Variants in XIRP2 observed in about 807,000 individuals in gnomAD.
XIRP2 encodes xin actin-binding repeat-containing protein 2.
XIRP2 carries 236 observed loss-of-function variants against 277.0 expected under a neutral mutation model. The observed-to-expected ratio is 0.85, with a 90% CI of 0.77 to 0.95. The LOEUF (loss-of-function observed/expected upper bound fraction) is 0.95. XIRP2 is among the 40% of genes least tolerant of loss of function. The pLI, the probability that XIRP2 is intolerant of heterozygous loss-of-function variation, is 0.00. For missense variants in XIRP2, 4,640 were observed against 4,157.5 expected (o/e 1.12, Z -3.19); for synonymous variants, 1,490 against 1,416.5 (o/e 1.05, Z -1.17).
chr2:167,169,908 T>G (rs1012413928), intron 3 of XIRP2, among the ~76,000 whole-genome samples: 5 of 152,182 alleles, frequency 3.3e-5, no homozygotes, highest in African/African-American at 1.2e-4. Context: ...CTTATATTTA[T>G]TTTTCTTGCC....
intron 2 of XIRP2, among the ~76,000 whole-genome samples, chr2:166,911,211 G>A (rs1406855151): frequency 6.6e-6 from 1 of 152,060 alleles, no homozygotes. Context: ...TTGACAGTGG[G>A]GTTTTAAAGT....
chr2:167,087,950 C>A (rs1690013990), intron 2 of XIRP2, among the ~76,000 whole-genome samples: 1 of 152,152 alleles, frequency 6.6e-6, no homozygotes, highest in Non-Finnish European at 1.5e-5. Flanking sequence ...TCCTATTCGG[C>A]CATCTTGGCT....
intron 3 of XIRP2, among the ~76,000 whole-genome samples, chr2:167,178,281 G>T (rs1228746876): frequency 6.6e-6 from 1 of 152,048 alleles, no homozygotes; most frequent in Non-Finnish European, 1.5e-5. Context: ...ATAATTTCTT[G>T]TGCTGTATGA....
At chr2:166,965,468 G>A (rs1034322279) in intron 2 of XIRP2, among the ~76,000 whole-genome samples, 28 of 151,912 alleles carry the variant, frequency 1.8e-4, no homozygotes, top group African/African-American at 6.3e-4. Context: ...TCATGAATGA[G>A]CCTGGAAGGA....
At chr2:167,081,954 TTA>T (rs1553484839) in intron 2 of XIRP2, among the ~76,000 whole-genome samples, 73 of 151,080 alleles carry the variant, frequency 4.8e-4, no homozygotes, top group African/African-American at 1.6e-3. Flanking sequence ...TTCTTTTTTT[TTA>T]TTATTATACT....
Position 167,250,822 on chromosome 2 carries a change from T to A in XIRP2, c.9430T>A (p.Ser3144Thr), listed in dbSNP as rs1365458268. ...ENPTKNELSQSPKKDSYVEPP... is the reference protein window; with the variant it reads ...ENPTKNELSQTPKKDSYVEPP... ...CCCTACTAAGAACGAGCTTTCTCAGTCCCCTAAAAAGGACAGTTATGTTGA... is the reference window on the plus strand; with the variant it reads ...CCCTACTAAGAACGAGCTTTCTCAGACCCCTAAAAAGGACAGTTATGTTGA... The change falls in exon 9 of 11, where the codon TCC becomes ACC. Residue 3144 changes from serine (S) to threonine (T), a missense_variant. Ser to Thr is a moderately conservative substitution (Grantham distance 58). Transcript: ENST00000409195. 3.1e-6 allele frequency: 5 copies of A among 1,613,264 alleles called. No homozygotes were observed. The highest frequency in any genetic ancestry group is 4.2e-6 in the Non-Finnish European group (5 of 1,179,640).
intron 2 of XIRP2, among the ~76,000 whole-genome samples, chr2:167,063,076 A>G (rs1189731323): frequency 6.6e-6 from 1 of 151,872 alleles, no homozygotes; most frequent in African/African-American, 2.4e-5. Context: ...GTAAGCCTTT[A>G]TTGCTTTAAA....
intron 2 of XIRP2, among the ~76,000 whole-genome samples, chr2:167,089,931 G>C (rs1395573030): frequency 6.6e-6 from 1 of 152,076 alleles, no homozygotes; most frequent in Non-Finnish European, 1.5e-5. Context: ...CGAGAAAAAA[G>C]AATTGCAGAC....
chr2:167,243,046 A>C lies in XIRP2; in HGVS notation c.1654A>C (p.Ser552Arg). The C allele has an allele frequency of 6.2e-7, 1 of 1,614,084 alleles. No homozygotes were observed. The highest frequency in any genetic ancestry group is 8.5e-7 in the Non-Finnish European group (1 of 1,179,982). The stretch of plus-strand genomic sequence containing the variant: ...GTATGTTTTTGAAAACACAAATGAC[A>C]GTTCTCAAAAAGATCTGAACTCAGA... ...ARYVFENTNDSSQKDLNSERE... is the reference protein window; with the variant it reads ...ARYVFENTNDRSQKDLNSERE... Residue 552 changes from serine (S) to arginine (R), a missense_variant, in exon 9 of 11, where the codon AGT (serine) becomes CGT (arginine). Coordinates refer to ENST00000409195, the MANE Select transcript of XIRP2 (RefSeq NM_152381.6).
intron 3 of XIRP2, chr2:167,187,291 C>T: frequency 2.0e-6 from 2 of 985,340 alleles, no homozygotes; most frequent in Non-Finnish European, 2.4e-6. Flanking sequence ...CTATACAGAG[C>T]TCAGTTCCTA....
intron 2 of XIRP2, among the ~76,000 whole-genome samples, chr2:166,969,180 A>G (rs1686507940): frequency 6.6e-6 from 1 of 152,014 alleles, no homozygotes; most frequent in Non-Finnish European, 1.5e-5. Context: ...TAAGTCTTGA[A>G]CAGCATTCTG....
chr2:167,248,353 G>C lies in XIRP2; in HGVS notation c.6961G>C (p.Glu2321Gln), dbSNP rs537427618. Residue 2321 changes from glutamate (E) to glutamine (Q), a missense_variant, in exon 9 of 11, where the codon GAA becomes CAA. Transcript: ENST00000409195. ...TCCACCTCCTTTGATGATGTTTCCT[G>C]AAAAAAATGGGTTTCTTCCCTCACT... ...PPPPPLMMFP[E>Q]KNGFLPSLST... 26 of 1,613,372 alleles carry C rather than the reference G, an allele frequency of 1.6e-5. No individual in the cohort carries two copies. The South Asian group carries it at 2.9e-4, about 18-fold the overall frequency.
chr2:167,040,099 T>G (rs986019001), intron 2 of XIRP2, among the ~76,000 whole-genome samples: 1 of 152,028 alleles, frequency 6.6e-6, no homozygotes, highest in African/African-American at 2.4e-5. Context: ...TCAATAATAT[T>G]AGAAGCATTT....
At chr2:167,030,361 ATT>A (rs1418589585) in intron 2 of XIRP2, among the ~76,000 whole-genome samples, 1 of 152,076 alleles carries the variant, frequency 6.6e-6, no homozygotes, top group Non-Finnish European at 1.5e-5. Flanking sequence ...AGTACTATAA[ATT>A]TCTCTCTAAA....
chr2:167,255,946 C>A (rs1402776255), intron 10 of XIRP2, among the ~76,000 whole-genome samples: 1 of 151,664 alleles, frequency 6.6e-6, no homozygotes, highest in Non-Finnish European at 1.5e-5. Flanking sequence ...ATTTTATTTT[C>A]TTCTGGCATA....
chr2:166,966,889 A>G (rs964914212), intron 2 of XIRP2, among the ~76,000 whole-genome samples: 21 of 152,034 alleles, frequency 1.4e-4, no homozygotes, highest in African/African-American at 5.1e-4. Context: ...TGCTTGGACA[A>G]GCAACATCAA....
intron 5 of XIRP2, among the ~76,000 whole-genome samples, chr2:167,229,991 A>C (rs187650174): frequency 2.0e-5 from 3 of 152,094 alleles, no homozygotes; most frequent in Admixed American, 2.0e-4. Flanking sequence ...TTCAGGAATG[A>C]GTGGAGGCCA....
intron 3 of XIRP2, among the ~76,000 whole-genome samples, chr2:167,157,931 GAAAA>G (rs1024474438): frequency 6.6e-6 from 1 of 151,388 alleles, no homozygotes; most frequent in Non-Finnish European, 1.5e-5. Context: ...TATTAAGAGT[GAAAA>G]AAAAGTCTAT....
chr2:167,125,109 G>T (rs1478339617), intron 2 of XIRP2, among the ~76,000 whole-genome samples: 2 of 152,162 alleles, frequency 1.3e-5, no homozygotes, highest in Non-Finnish European at 2.9e-5. Flanking sequence ...AAAGTGATGT[G>T]TGCAGTAGAA....
Sources: gnomAD v4.1 joint callset for allele counts (sites outside exome capture counted in the v4.1 genomes callset) on GRCh38, gnomAD v4.1.1 for gene constraint, MANE v1.5 for transcripts, NCBI Gene and HGNC (gene_info 2026-07-23, HGNC 2026-07-21) for gene names.